MBD5: variants seen among roughly 807,000 people sequenced by gnomAD.
The protein encoded by MBD5 is methyl-CpG binding domain protein 5.
MBD5 carries 13 observed loss-of-function variants against 117.3 expected under a neutral mutation model. The observed-to-expected ratio is 0.11, with a 90% CI of 0.07 to 0.18. The LOEUF is 0.18. Among genes scored for constraint, MBD5 ranks in the 10% least tolerant of loss-of-function variants. The pLI is 1.00. For synonymous variants in MBD5, 727 were observed against 766.4 expected, an observed-to-expected ratio of 0.95 and a Z score of 0.85; for missense variants, 1,879 against 2,093.8, an observed-to-expected ratio of 0.90 and a Z score of 2.00.
In MBD5 at chr2:148,442,971, G is replaced by A. The variant is rs1451478859; in HGVS notation, c.-556-15232G>A. On this transcript the variant is annotated intron_variant, in intron 4 of 13. Transcript: ENST00000642680. The stretch of plus-strand genomic sequence containing the variant: ...AGTGAAGAGACAACCCATGGAATGG[G>A]AGAAAATATTTACAAACTACCTATC... Among the ~76,000 whole-genome samples, 3 of 151,476 alleles carry A rather than the reference G, an allele frequency of 2.0e-5. No homozygotes were observed. In the South Asian group the frequency reaches 6.2e-4, roughly 31 times the overall value.
chr2:148,085,797 TAA>T (rs1695767096), intron 1 of MBD5, among the ~76,000 whole-genome samples: 1 of 152,190 alleles, frequency 6.6e-6, no homozygotes, highest in African/African-American at 2.4e-5. Context: ...ACCATCCATA[TAA>T]AGACACTGAG....
intron 5 of MBD5, 139 bp from the exon 6 acceptor site, chr2:148,462,443 A>G (rs969861891): frequency 2.3e-5 from 15 of 664,792 alleles, no homozygotes; most frequent in Non-Finnish European, 3.5e-5. Flanking sequence ...AGTAGCTAAC[A>G]TAATATTGAC....
In MBD5 at chr2:148,470,120, C is replaced by T. The variant is rs781532539; in HGVS notation, c.2177C>T (p.Ser726Leu). Residue 726 changes from serine to leucine, a missense_variant, in exon 8 of 14, where the codon TCA becomes TTA. Ser to Leu is a moderately radical substitution (Grantham distance 145). This residue lies in a region of MBD5 where 1,666 missense variants were observed against 1,792.2 expected (regional missense o/e 0.93). Coordinates refer to ENST00000642680, the MANE Select transcript of MBD5 (RefSeq NM_001378120.1). ...AATAGTACCCCGGGTTGTGGGGCCT[C>T]AAATACTGCTTTGCCTTGCTCTGCT... ...SSNSTPGCGA[S>L]NTALPCSANQ... 12 of 1,613,764 alleles carry T rather than the reference C, an allele frequency of 7.4e-6. No homozygotes were observed. The South Asian group carries it at 1.2e-4, about 16-fold the overall frequency.
intron 1 of MBD5, among the ~76,000 whole-genome samples, chr2:148,168,974 G>A (rs1413358765): frequency 3.4e-5 from 5 of 147,260 alleles, no homozygotes; most frequent in African/African-American, 7.5e-5. Flanking sequence ...ATATATATAC[G>A]TATAATATAT....
intron 3 of MBD5, among the ~76,000 whole-genome samples, chr2:148,266,211 G>A (rs1051265300): frequency 6.6e-6 from 1 of 151,990 alleles, no homozygotes; most frequent in Non-Finnish European, 1.5e-5. Flanking sequence ...TTTATTTGAG[G>A]AATTCAAAAG....
At chr2:148,265,931 G>GAA (rs11452364) in intron 3 of MBD5, among the ~76,000 whole-genome samples, 1 of 151,630 alleles carries the variant, frequency 6.6e-6, no homozygotes, top group Admixed American at 6.6e-5. Context: ...TCAGGAAAGA[G>GAA]AAAAAAATGC....
intron 1 of MBD5, among the ~76,000 whole-genome samples, chr2:148,127,299 G>A (rs1270766977): frequency 2.0e-5 from 3 of 152,116 alleles, no homozygotes; most frequent in Non-Finnish European, 4.4e-5. Context: ...ATAGGTAAAC[G>A]TGTGCCATGG....
intron 11 of MBD5, among the ~76,000 whole-genome samples, chr2:148,500,680 A>C (rs186497347): frequency 1.3e-5 from 2 of 152,286 alleles, no homozygotes; most frequent in Admixed American, 1.3e-4. Flanking sequence ...CTGTGACCTG[A>C]TCAACCCCTT....
intron 3 of MBD5, among the ~76,000 whole-genome samples, chr2:148,321,144 G>T (rs548365874): frequency 1.3e-5 from 2 of 152,202 alleles, no homozygotes; most frequent in Admixed American, 1.3e-4. Flanking sequence ...CATTTCTGTA[G>T]ATGTATATTG....
intron 1 of MBD5, among the ~76,000 whole-genome samples, chr2:148,023,966 T>C (rs925320833): frequency 2.6e-5 from 4 of 152,248 alleles, no homozygotes; most frequent in East Asian, 3.9e-4. Context: ...TATCCAACTC[T>C]ACCTATTGCT....
At chr2:148,086,619 C>T (rs999959282) in intron 1 of MBD5, among the ~76,000 whole-genome samples, 8 of 152,252 alleles carry the variant, frequency 5.3e-5, no homozygotes, top group South Asian at 4.2e-4. Context: ...TTATCCCACT[C>T]GTGCAATTAG....
chr2:148,282,390 G>A (rs1351547819), intron 3 of MBD5, among the ~76,000 whole-genome samples: 1 of 152,032 alleles, frequency 6.6e-6, no homozygotes, highest in African/African-American at 2.4e-5. Context: ...AAATTGGATG[G>A]ATTCAAATCC....
At chr2:148,497,579 C>T (rs1209045863) in intron 11 of MBD5, among the ~76,000 whole-genome samples, 2 of 151,888 alleles carry the variant, frequency 1.3e-5, no homozygotes, top group Non-Finnish European at 2.9e-5. Context: ...GTCCCAGCTA[C>T]TTGGGAGGCT....
chr2:148,238,295 TA>T, intron 3 of MBD5, among the ~76,000 whole-genome samples: 1 of 152,238 alleles, frequency 6.6e-6, no homozygotes, highest in East Asian at 1.9e-4. Context: ...CAATGGTTAT[TA>T]ATCTGAGTCT....
At chr2:148,447,997 C>T (rs1706619522) in intron 4 of MBD5, among the ~76,000 whole-genome samples, 1 of 152,032 alleles carries the variant, frequency 6.6e-6, no homozygotes, top group African/African-American at 2.4e-5. Context: ...CTGAAACTCC[C>T]TCCCTCTCCA....
intron 2 of MBD5, among the ~76,000 whole-genome samples, chr2:148,201,382 G>A (rs1245871756): frequency 2.0e-5 from 3 of 152,214 alleles, no homozygotes; most frequent in Non-Finnish European, 2.9e-5. Flanking sequence ...GGGTACCCAC[G>A]ACCCTGAAGC....
At chr2:148,139,843 C>G (rs1171188472) in intron 1 of MBD5, among the ~76,000 whole-genome samples, 1 of 152,180 alleles carries the variant, frequency 6.6e-6, no homozygotes, top group Non-Finnish European at 1.5e-5. Context: ...CCAACATATC[C>G]TGTTCACCTC....
Position 148,469,300 on chromosome 2 carries a change from A to T in MBD5, c.1357A>T (p.Ile453Phe). 1.2e-6 allele frequency: 2 copies of T among 1,613,872 alleles called. No individual in the cohort carries two copies. The highest frequency in any genetic ancestry group is 1.7e-6 in the Non-Finnish European group (2 of 1,179,928). The change falls in exon 8 of 14, where the codon ATT becomes TTT. Residue 453 changes from isoleucine (I) to phenylalanine (F), a missense_variant. By Grantham distance (21) the Ile-to-Phe change is conservative (BLOSUM62 0). Transcript: ENST00000642680. ...CATGATGGGGACTGGAATTGGAAGG[A>T]TTGAGGCATCGCCCCAAAGATCACG... ...VHMMGTGIGR[I>F]EASPQRSRSS...
intron 1 of MBD5, among the ~76,000 whole-genome samples, chr2:148,172,652 C>T (rs1698289560): frequency 6.6e-6 from 1 of 152,156 alleles, no homozygotes; most frequent in Admixed American, 6.5e-5. Flanking sequence ...AGCGTGGGTG[C>T]TAGGCTGTTA....
Sources: gnomAD v4.1 joint callset for allele counts (sites outside exome capture counted in the v4.1 genomes callset) on GRCh38, gnomAD v4.1.1 for gene constraint, gnomAD v4.1.1 regional missense constraint, MANE v1.5 for transcripts, NCBI Gene and HGNC (gene_info 2026-07-23, HGNC 2026-07-21) for gene names.